EDA: variants seen among roughly 807,000 people sequenced by gnomAD.
EDA encodes the protein ectodysplasin-A.
EDA carries 2 observed loss-of-function variants against 23.6 expected under a neutral mutation model. The ratio of observed to expected loss-of-function variants is 0.08; its 90% confidence interval spans 0.03 to 0.27. The LOEUF is 0.27. Among genes scored for constraint, EDA ranks in the 10% least tolerant of loss-of-function variants. The pLI is 1.00. For synonymous variants in EDA, 131 were observed against 132.0 expected, an observed-to-expected ratio of 0.99 and a Z score of 0.05; for missense variants, 229 against 324.2, an observed-to-expected ratio of 0.71 and a Z score of 2.26.
At chrX:69,671,222 C>T (rs1013346373) in intron 1 of EDA, among the ~76,000 whole-genome samples, 2 of 111,615 alleles carry the variant, frequency 1.8e-5, no homozygotes, top group African/African-American at 3.3e-5. Flanking sequence ...CCTCAGTAGT[C>T]TAGGCTACTG....
At chrX:69,760,685 A>G (rs1282692123) in intron 1 of EDA, among the ~76,000 whole-genome samples, 1 of 112,209 alleles carries the variant, frequency 8.9e-6, no homozygotes, top group African/African-American at 3.2e-5. Context: ...GAAAATAATT[A>G]TAAGAAACAA....
In EDA at chrX:69,727,947, TA is replaced by T. The variant is rs987875128; in HGVS notation, c.396+111249del. ...CAGGCCCTGTGCTAAATGATTGTGA[TA>T]AAAAATGAGTAATAGGCTGGGCGTG... On this transcript the variant is annotated intron_variant, in intron 1 of 7. Coordinates refer to ENST00000374552, the MANE Select transcript of EDA (RefSeq NM_001399.5). 5.4e-5 allele frequency among the ~76,000 whole-genome samples: 6 copies of T among 111,722 alleles called. No individual in the cohort carries two copies. The Admixed American group carries it at 5.7e-4, about 11-fold the overall frequency.
At chrX:69,883,198 C>T (rs936825992) in intron 1 of EDA, among the ~76,000 whole-genome samples, 1 of 111,897 alleles carries the variant, frequency 8.9e-6, no homozygotes, top group Non-Finnish European at 1.9e-5. Context: ...CAAAGGAACT[C>T]GATCTTTCTT....
At chrX:70,024,678 A>G (rs1009849724) in intron 3 of EDA, among the ~76,000 whole-genome samples, 6 of 112,175 alleles carry the variant, frequency 5.3e-5, no homozygotes, top group Non-Finnish European at 1.1e-4. Context: ...CATGGTGAAT[A>G]GGCACATGCT....
Position 69,616,278 on chromosome X carries a change from G to C in EDA, c.-31G>C. The stretch of plus-strand genomic sequence containing the variant: ...GCTGAGGCAGACGCAGCGGCTCCCG[G>C]GCCTCAAGAGAGTGGGTGTCTCCGG... On this transcript the variant is annotated 5_prime_UTR_variant, in exon 1 of 8. Coordinates refer to ENST00000374552, the MANE Select transcript of EDA (RefSeq NM_001399.5). 8.6e-7 allele frequency: 1 copy of C among 1,164,541 alleles called. No homozygotes were observed. Among genetic ancestry groups the C allele is most frequent in the Non-Finnish European group, 1.1e-6 (1 of 877,310 alleles).
chrX:69,900,942 T>C (rs1192843994), intron 1 of EDA, among the ~76,000 whole-genome samples: 1 of 111,382 alleles, frequency 9.0e-6, no homozygotes, highest in Non-Finnish European at 1.9e-5. Context: ...GGTGGGTCTA[T>C]AGTGGTAAGA....
intron 1 of EDA, among the ~76,000 whole-genome samples, chrX:69,633,698 T>G (rs1390261783): frequency 8.9e-6 from 1 of 112,590 alleles, no homozygotes; most frequent in Non-Finnish European, 1.9e-5. Context: ...CCTTTTTCCC[T>G]TTTACAGGTG....
chrX:69,639,954 G>A (rs1372415046), intron 1 of EDA, among the ~76,000 whole-genome samples: 1 of 111,991 alleles, frequency 8.9e-6, no homozygotes, highest in African/African-American at 3.2e-5. Flanking sequence ...TAAAGGTTCA[G>A]TTTCACTCTT....
At chrX:69,812,907 C>T (rs1446468765) in intron 1 of EDA, among the ~76,000 whole-genome samples, 3 of 111,379 alleles carry the variant, frequency 2.7e-5, no homozygotes, top group African/African-American at 9.8e-5. Flanking sequence ...GTATTTGATG[C>T]GTTTCTAATT....
chrX:69,690,735 G>A (rs1443169664), intron 1 of EDA, among the ~76,000 whole-genome samples: 1 of 111,794 alleles, frequency 8.9e-6, no homozygotes, highest in East Asian at 2.8e-4. Flanking sequence ...ATGTTTACTA[G>A]AATTCATCAG....
chrX:69,974,587 G>C (rs1034472214), intron 2 of EDA, among the ~76,000 whole-genome samples: 12 of 111,394 alleles, frequency 1.1e-4, no homozygotes, highest in African/African-American at 3.9e-4. Flanking sequence ...AAGAGCTTCT[G>C]CACAGCAAAA....
chrX:69,635,973 G>A (rs1932766052), intron 1 of EDA, among the ~76,000 whole-genome samples: 1 of 108,949 alleles, frequency 9.2e-6, no homozygotes, highest in African/African-American at 3.4e-5. Context: ...ACTATTCTTT[G>A]CCAGGTCTGA....
chrX:69,882,219 C>T (rs1162022675), intron 1 of EDA, among the ~76,000 whole-genome samples: 1 of 111,587 alleles, frequency 9.0e-6, no homozygotes, highest in Non-Finnish European at 1.9e-5. Context: ...GCATTCTGAG[C>T]AGATTGAGGC....
chrX:69,684,063 T>A (rs1442256144), intron 1 of EDA, among the ~76,000 whole-genome samples: 2 of 112,423 alleles, frequency 1.8e-5, no homozygotes, highest in Non-Finnish European at 3.8e-5. Flanking sequence ...GAAAAAAGGC[T>A]TTGTGCAGAT....
At chrX:69,753,617 A>G (rs754809083) in intron 1 of EDA, among the ~76,000 whole-genome samples, 4 of 111,586 alleles carry the variant, frequency 3.6e-5, no homozygotes, top group Non-Finnish European at 7.5e-5. Context: ...GCTGAATTCA[A>G]TTCCTGGATA....
At chrX:69,666,331 T>C (rs1933681340) in intron 1 of EDA, among the ~76,000 whole-genome samples, 1 of 112,629 alleles carries the variant, frequency 8.9e-6, no homozygotes, top group Non-Finnish European at 1.9e-5. Flanking sequence ...TTCAGTACTA[T>C]GTTGAATAGA....
At chrX:69,698,676 G>A (rs541866429) in intron 1 of EDA, among the ~76,000 whole-genome samples, 3 of 111,243 alleles carry the variant, frequency 2.7e-5, no homozygotes, top group East Asian at 2.8e-4. Context: ...TTTTGTCCAC[G>A]ACTGCCGGGT....
intron 1 of EDA, among the ~76,000 whole-genome samples, chrX:69,848,366 T>C (rs2017051327): frequency 9.0e-6 from 1 of 111,540 alleles, no homozygotes; most frequent in African/African-American, 3.3e-5. Flanking sequence ...GGGATCAGCA[T>C]AGTAGTTCCT....
At chrX:69,636,264 C>T (rs1932772015) in intron 1 of EDA, among the ~76,000 whole-genome samples, 1 of 109,700 alleles carries the variant, frequency 9.1e-6, no homozygotes, top group Non-Finnish European at 1.9e-5. Context: ...CTTCCTTGCT[C>T]CCTTTCTCAC....
Sources: gnomAD v4.1 joint callset for allele counts (sites outside exome capture counted in the v4.1 genomes callset) on GRCh38, gnomAD v4.1.1 for gene constraint, MANE v1.5 for transcripts, NCBI Gene and HGNC (gene_info 2026-07-23, HGNC 2026-07-21) for gene names.